Variants in PBX1 observed in about 807,000 individuals in gnomAD.
PBX1 encodes the protein pre-B-cell leukemia transcription factor 1.
In PBX1, 6 loss-of-function variants were observed where a neutral mutation model predicts 53.4. That is an observed-to-expected ratio of 0.11 (90% confidence interval 0.06 to 0.22). PBX1 has a LOEUF of 0.22. PBX1 is among the 10% of genes least tolerant of loss of function. The probability of loss-of-function intolerance (pLI) is 1.00; values close to 1 mark genes in which losing one functional copy is unlikely to be tolerated. For missense variants in PBX1, 251 were observed against 551.4 expected (o/e 0.46, Z 5.46); for synonymous variants, 204 against 212.3 (o/e 0.96, Z 0.34).
intron 2 of PBX1, among the ~76,000 whole-genome samples, chr1:164,586,571 T>TC (rs1654963075): frequency 6.6e-6 from 1 of 152,200 alleles, no homozygotes; most frequent in Non-Finnish European, 1.5e-5. Flanking sequence ...CCTGTCCACT[T>TC]CCAGGGAGGT....
chr1:164,884,947 A>C (rs924147450), intron 2 of PBX1, among the ~76,000 whole-genome samples: 1 of 152,238 alleles, frequency 6.6e-6, no homozygotes, highest in African/African-American at 2.4e-5. Flanking sequence ...AGAAAGCAAG[A>C]GTTGTGCATG....
At chr1:164,674,981 C>T (rs1437081937) in intron 2 of PBX1, among the ~76,000 whole-genome samples, 1 of 151,556 alleles carries the variant, frequency 6.6e-6, no homozygotes, top group Non-Finnish European at 1.5e-5. Flanking sequence ...TTCATTGATA[C>T]TGCTATTTGA....
At chr1:164,862,117 G>A (rs1672115121) in intron 2 of PBX1, among the ~76,000 whole-genome samples, 1 of 152,188 alleles carries the variant, frequency 6.6e-6, no homozygotes, top group Non-Finnish European at 1.5e-5. Flanking sequence ...TAGACCACAG[G>A]GAAGCAGGTT....
chr1:164,867,053 T>C (rs1183754122), intron 2 of PBX1, among the ~76,000 whole-genome samples: 1 of 152,016 alleles, frequency 6.6e-6, no homozygotes, highest in Non-Finnish European at 1.5e-5. Flanking sequence ...GAGTCCACAG[T>C]GGAGATTAGA....
rs143488511 is a variant in PBX1 at position 164,848,052 on chromosome 1, C to G, written c.*1376C>G. ...ATGTTCTTGGTCCTGACCTATTGCT[C>G]TGGAGGAAAGAGTTGTATAAGAACG... On this transcript the variant is annotated 3_prime_UTR_variant, in exon 9 of 9. Coordinates refer to ENST00000420696, the MANE Select transcript of PBX1 (RefSeq NM_002585.4). 6.7e-6 allele frequency: 7 copies of G among 1,050,554 alleles called. No individual in the cohort carries two copies. The Admixed American group carries it at 2.2e-4, about 33-fold the overall frequency. 65.1% of individuals were successfully genotyped at this position (1,050,554 alleles called of 1,614,324 possible). A position where few individuals can be genotyped will look rare whatever the true frequency, so the allele number is the denominator to read the frequency against.
chr1:164,739,091 A>G (rs1247494815), intron 2 of PBX1, among the ~76,000 whole-genome samples: 1 of 152,192 alleles, frequency 6.6e-6, no homozygotes, highest in Admixed American at 6.5e-5. Flanking sequence ...TGTGTTCAGT[A>G]CATTCTTGAG....
intron 2 of PBX1, among the ~76,000 whole-genome samples, chr1:164,679,684 A>C (rs747704797): frequency 2.0e-5 from 3 of 152,228 alleles, no homozygotes; most frequent in Non-Finnish European, 4.4e-5. Context: ...AGCATTGTCT[A>C]AGTAATTAGG....
intron 2 of PBX1, among the ~76,000 whole-genome samples, chr1:164,792,070 C>T (rs1218421213): frequency 6.6e-6 from 1 of 152,078 alleles, no homozygotes; most frequent in Non-Finnish European, 1.5e-5. Flanking sequence ...TGATCAACCC[C>T]CCACTCAGCC....
intron 2 of PBX1, among the ~76,000 whole-genome samples, chr1:164,776,460 A>G (rs1259531296): frequency 6.6e-6 from 1 of 152,198 alleles, no homozygotes; most frequent in Non-Finnish European, 1.5e-5. Flanking sequence ...CTCTTGATCC[A>G]CAAATATCTT....
chr1:164,801,465 AAC>A (rs1491363506), intron 4 of PBX1, among the ~76,000 whole-genome samples: 3 of 152,006 alleles, frequency 2.0e-5, no homozygotes, highest in African/African-American at 4.8e-5. Context: ...AAAAAAAAAA[AAC>A]AATTGGCTCC....
At chr1:164,880,728 C>A (rs900440340) in intron 2 of PBX1, among the ~76,000 whole-genome samples, 3 of 152,218 alleles carry the variant, frequency 2.0e-5, no homozygotes, top group African/African-American at 2.4e-5. Flanking sequence ...TTGCTGCCCC[C>A]TCCCAAGCCC....
intron 1 of PBX1, among the ~76,000 whole-genome samples, chr1:164,561,559 C>G (rs181963586): frequency 1.7e-4 from 26 of 152,294 alleles, no homozygotes; most frequent in African/African-American, 5.8e-4. Context: ...ACATTTTTCT[C>G]TATTATATTG....
Position 164,847,942 on chromosome 1 carries a change from A to G in PBX1, c.*1266A>G, listed in dbSNP as rs1167249833. The G allele has an allele frequency of 2.0e-5, 21 of 1,052,468 alleles. No individual in the cohort carries two copies. The highest frequency in any genetic ancestry group is 2.1e-5 in the Non-Finnish European group (18 of 871,314). 65.2% of individuals were successfully genotyped at this position (1,052,468 alleles called of 1,614,324 possible). A position where few individuals can be genotyped will look rare whatever the true frequency, so the allele number is the denominator to read the frequency against. ...CAGGGAGCCCCATACAGTACTTACA[A>G]TGTCTTTAATGGACTTGATTCTGTT... On this transcript the variant is annotated 3_prime_UTR_variant, in exon 9 of 9. Coordinates refer to ENST00000420696, the MANE Select transcript of PBX1 (RefSeq NM_002585.4).
At chr1:164,570,282 A>G (rs1172384735) in intron 2 of PBX1, among the ~76,000 whole-genome samples, 1 of 152,116 alleles carries the variant, frequency 6.6e-6, no homozygotes, top group African/African-American at 2.4e-5. Context: ...ATAGGTATAC[A>G]CATGCCATGG....
intron 2 of PBX1, among the ~76,000 whole-genome samples, chr1:164,708,382 T>TAA (rs142047562): frequency 1.1e-4 from 3 of 26,636 alleles, no homozygotes; most frequent in South Asian, 7.3e-4. Context: ...TAGTCTTTTT[T>TAA]TAAAAAAAAT....
chr1:164,687,561 T>TAAAAAA (rs5778407), intron 2 of PBX1, among the ~76,000 whole-genome samples: 4 of 110,480 alleles, frequency 3.6e-5, no homozygotes, highest in East Asian at 5.5e-4. Flanking sequence ...AGACCTTGTC[T>TAAAAAA]AAAAAAAAAA....
chr1:164,758,472 CAT>C (rs1666639921), intron 2 of PBX1, among the ~76,000 whole-genome samples: 1 of 152,072 alleles, frequency 6.6e-6, no homozygotes. Flanking sequence ...GAGTGGAGGA[CAT>C]AGAGATGATG....
At chr1:164,617,599 G>A (rs907646487) in intron 2 of PBX1, among the ~76,000 whole-genome samples, 3 of 152,208 alleles carry the variant, frequency 2.0e-5, no homozygotes, top group African/African-American at 7.2e-5. Flanking sequence ...GTTAATGTGT[G>A]TTGTAAATCT....
intron 3 of PBX1, 119 bp from the exon 4 acceptor site, chr1:164,799,580 T>A (rs909320057): frequency 1.1e-5 from 9 of 809,606 alleles, no homozygotes; most frequent in Non-Finnish European, 1.7e-5. Flanking sequence ...CCACAAACTA[T>A]CCTAGTTTTC....
Sources: allele counts gnomAD v4.1 joint callset (sites outside exome capture counted in the v4.1 genomes callset), GRCh38; gene constraint gnomAD v4.1.1; transcripts MANE v1.5; gene names NCBI Gene and HGNC (gene_info 2026-07-23, HGNC 2026-07-21).